Variants in NCAM2 observed in about 807,000 individuals in gnomAD.
NCAM2 encodes neural cell adhesion molecule 2.
NCAM2 carries 30 observed loss-of-function variants against 98.1 expected under a neutral mutation model. That is an observed-to-expected ratio of 0.31 (90% CI 0.23 to 0.41). The LOEUF is 0.41. NCAM2 is among the 10% of genes least tolerant of loss of function. The pLI, the probability that NCAM2 is intolerant of heterozygous loss-of-function variation, is 1.00. For missense variants in NCAM2, 867 were observed against 1,005.8 expected (o/e 0.86, Z 1.87); for synonymous variants, 368 against 342.4 (o/e 1.07, Z -0.83).
intron 16 of NCAM2, among the ~76,000 whole-genome samples, chr21:21,516,399 G>A (rs1252348560): frequency 6.6e-6 from 1 of 151,616 alleles, no homozygotes; most frequent in Non-Finnish European, 1.5e-5. Flanking sequence ...TCAATTCTAA[G>A]GCAGAAGTAA....
Position 21,443,265 on chromosome 21 carries a change from G to A in NCAM2, c.1654+10984G>A, listed in dbSNP as rs114288407. Among the ~76,000 whole-genome samples, 922 of 152,120 alleles carry A rather than the reference G, an allele frequency of 6.1e-3. 13 individuals carry two copies. Among genetic ancestry groups the A allele is most frequent in the African/African-American group, 0.021 (875 of 41,490 alleles). ...CAGAGGGAGGGGAACATCACACACC[G>A]GGGACTGCCGAGGGGTGGGAGCCTG... On this transcript the variant is annotated intron_variant, in intron 12 of 17. Coordinates refer to ENST00000400546, the MANE Select transcript of NCAM2 (RefSeq NM_004540.5).
At chr21:21,331,721 T>A (rs1222020948) in intron 6 of NCAM2, among the ~76,000 whole-genome samples, 2 of 140,244 alleles carry the variant, frequency 1.4e-5, no homozygotes, top group Non-Finnish European at 1.5e-5. Context: ...TTCGAGTACC[T>A]GGGAACACAG....
chr21:21,225,336 G>T (rs1000086788), intron 1 of NCAM2, among the ~76,000 whole-genome samples: 1 of 152,004 alleles, frequency 6.6e-6, no homozygotes, highest in Non-Finnish European at 1.5e-5. Context: ...GATAGGTGCA[G>T]CAAACCACCA....
chr21:21,444,958 A>G (rs2146098076), intron 12 of NCAM2, among the ~76,000 whole-genome samples: 1 of 152,054 alleles, frequency 6.6e-6, no homozygotes, highest in South Asian at 2.1e-4. Context: ...TAGCTTTCTG[A>G]TGTAGACAAT....
intron 1 of NCAM2, among the ~76,000 whole-genome samples, chr21:21,218,702 C>T (rs1601679173): frequency 1.3e-5 from 2 of 152,172 alleles, no homozygotes; most frequent in East Asian, 3.9e-4. Flanking sequence ...TAAGTGAAAT[C>T]TCTCCTAGAA....
At chr21:21,350,948 AG>A (rs1568966234) in intron 8 of NCAM2, among the ~76,000 whole-genome samples, 6 of 53,254 alleles carry the variant, frequency 1.1e-4, no homozygotes, top group East Asian at 3.5e-4. Context: ...AAAAAAAAAA[AG>A]GAGAGAAAAG....
chr21:21,466,272 A>G (rs1349347538), intron 12 of NCAM2, among the ~76,000 whole-genome samples: 1 of 152,006 alleles, frequency 6.6e-6, no homozygotes, highest in Non-Finnish European at 1.5e-5. Context: ...CATACAGAAT[A>G]TATGCATTTT....
At chr21:21,020,041 T>C (rs927701801) in intron 1 of NCAM2, among the ~76,000 whole-genome samples, 1 of 152,104 alleles carries the variant, frequency 6.6e-6, no homozygotes, top group Non-Finnish European at 1.5e-5. Flanking sequence ...TATTTTTATT[T>C]ATTTATTCTT....
intron 15 of NCAM2, among the ~76,000 whole-genome samples, chr21:21,485,211 G>A (rs1033431064): frequency 2.5e-4 from 38 of 152,024 alleles, no homozygotes; most frequent in African/African-American, 8.2e-4. Flanking sequence ...TTTGAACACC[G>A]ATTAATTTTT....
intron 1 of NCAM2, among the ~76,000 whole-genome samples, chr21:21,144,606 C>CTTTT (rs11292466): frequency 1.4e-4 from 21 of 151,140 alleles, no homozygotes; most frequent in Non-Finnish European, 2.7e-4. Flanking sequence ...AAATGTCTGT[C>CTTTT]TTTTTTTTTC....
In NCAM2 at chr21:21,433,754, A is replaced by G. The variant is rs1019241843; in HGVS notation, c.1654+1473A>G. Reference sequence around the variant, plus strand: ...CAAGACTCCATCTCAATAAAATAAAATAAAATAAAATAAAATAAAATAAAA... The same window carrying G: ...CAAGACTCCATCTCAATAAAATAAAGTAAAATAAAATAAAATAAAATAAAA... On this transcript the variant is annotated intron_variant, in intron 12 of 17. Coordinates refer to ENST00000400546, the MANE Select transcript of NCAM2 (RefSeq NM_004540.5). Among the ~76,000 whole-genome samples the G allele has an allele frequency of 2.3e-5, 3 of 130,696 alleles. No homozygotes were observed. The South Asian group carries it at 6.7e-4, about 29-fold the overall frequency. The allele number at this position is 130,696 out of a possible 152,430, so 85.7% of individuals were successfully genotyped here.
chr21:21,280,616 CT>C lies in NCAM2; in HGVS notation c.96del (p.Ser33ValfsTer19). On this transcript the variant is annotated frameshift_variant, in exon 2 of 18. Coordinates refer to ENST00000400546, the MANE Select transcript of NCAM2 (RefSeq NM_004540.5). LOFTEE classifies it high-confidence loss of function. ...GACAATTTCACTTAGCAAAGTAGAG[CT>C]TAGTGTTGGAGAATCTAAATTCTTC... is the stretch of plus-strand genomic sequence containing the variant. Reference protein sequence around the residue: ...QVTISLSKVELSVGESKFFTC... With the variant: ...QVTISLSKVEXSVGESKFFTC... 6.2e-7 allele frequency: 1 copy of C among 1,601,200 alleles called. No homozygotes were observed. Among genetic ancestry groups the C allele is most frequent in the Non-Finnish European group, 8.5e-7 (1 of 1,175,040 alleles).
chr21:21,303,679 A>G (rs1001503145), intron 5 of NCAM2, among the ~76,000 whole-genome samples: 2 of 152,064 alleles, frequency 1.3e-5, no homozygotes, highest in African/African-American at 4.8e-5. Flanking sequence ...CTTTTAAAAA[A>G]CACTTCCTAA....
chr21:21,032,944 C>CTTT lies in NCAM2; in HGVS notation c.55+34341_55+34343dup, dbSNP rs61400853. 2.4e-3 allele frequency among the ~76,000 whole-genome samples: 362 copies of CTTT among 148,672 alleles called. 2 individuals carry two copies. The highest frequency in any genetic ancestry group is 8.6e-3 in the African/African-American group (342 of 39,756). On this transcript the variant is annotated intron_variant, in intron 1 of 17. Coordinates refer to ENST00000400546, the MANE Select transcript of NCAM2 (RefSeq NM_004540.5). ...CAGCACATGGTTTCTTTCTTTCTTT[C>CTTT]TTTTTTTTTTTTTTTTTGAGACAGA... is the stretch of plus-strand genomic sequence containing the variant.
chr21:21,540,886 A>G lies in NCAM2; in HGVS notation c.*2929A>G, dbSNP rs1375967124. On this transcript the variant is annotated 3_prime_UTR_variant, in exon 18 of 18. Transcript: ENST00000400546. ...ACAAATTAATGTGTCAACATATTTT[A>G]CAATGATTGTCAAAGGAATTTAAGA... The G allele has an allele frequency of 6.6e-6, 1 of 152,020 alleles. No homozygotes were observed. Among genetic ancestry groups the G allele is most frequent in the Non-Finnish European group, 1.5e-5 (1 of 67,912 alleles). The allele number at this position is 152,020 out of a possible 1,614,324, so 9.4% of individuals were successfully genotyped here.
intron 1 of NCAM2, among the ~76,000 whole-genome samples, chr21:21,214,701 G>C (rs1313819412): frequency 1.2e-5 from 1 of 85,716 alleles, no homozygotes; most frequent in Non-Finnish European, 2.5e-5. Context: ...CTGGTATCAG[G>C]GGGAGTAAAT....
intron 1 of NCAM2, among the ~76,000 whole-genome samples, chr21:21,105,692 G>T (rs2146505828): frequency 6.6e-6 from 1 of 152,096 alleles, no homozygotes; most frequent in Admixed American, 6.5e-5. Flanking sequence ...CTCTTCATTG[G>T]CAAGACTGGA....
At chr21:21,323,892 A>C (rs960538939) in intron 5 of NCAM2, among the ~76,000 whole-genome samples, 1 of 152,192 alleles carries the variant, frequency 6.6e-6, no homozygotes, top group African/African-American at 2.4e-5. Context: ...AAGCAGTGAT[A>C]TATTGCTTAT....
chr21:21,316,394 A>G (rs1029416414), intron 5 of NCAM2, among the ~76,000 whole-genome samples: 11 of 152,122 alleles, frequency 7.2e-5, no homozygotes, highest in African/African-American at 2.4e-4. Flanking sequence ...ACATGCAATA[A>G]TAACTTGCCA....
Sources: gnomAD v4.1 joint callset for allele counts (sites outside exome capture counted in the v4.1 genomes callset) on GRCh38, gnomAD v4.1.1 for gene constraint, MANE v1.5 for transcripts, NCBI Gene and HGNC (gene_info 2026-07-23, HGNC 2026-07-21) for gene names.